Variants in ADGRG5 observed in about 807,000 individuals in gnomAD.
ADGRG5 encodes adhesion G protein-coupled receptor G5, also known as G protein-coupled receptor 114.
A neutral mutation model predicts 53.2 loss-of-function variants in ADGRG5; 37 were observed. The ratio of observed to expected loss-of-function variants is 0.70; its 90% CI spans 0.53 to 0.91. The LOEUF (loss-of-function observed/expected upper bound fraction) is 0.91. Among genes scored for constraint, ADGRG5 ranks in the 40% least tolerant of loss-of-function variants. ADGRG5 has a pLI of 0.00. For synonymous variants in ADGRG5, 277 were observed against 290.4 expected, an observed-to-expected ratio of 0.95 and a Z score of 0.47; for missense variants, 614 against 675.8, an observed-to-expected ratio of 0.91 and a Z score of 1.01.
chr16:57,529,146 T>G, the ADGRG5 span: 1 of 1,184,966 alleles, frequency 8.4e-7, no homozygotes, highest in Non-Finnish European at 1.0e-6. The surrounding 1 kb of genome is among the most constrained non-coding windows in gnomAD (Gnocchi z 4.1). Context: ...CTGCGGGGAC[T>G]CGGCCAGCCG....
intron 1 of ADGRG5, among the ~76,000 whole-genome samples, chr16:57,560,931 C>T (rs1453416516): frequency 6.6e-6 from 1 of 152,134 alleles, no homozygotes; most frequent in Non-Finnish European, 1.5e-5. Context: ...TGCAGGCCAC[C>T]ATACCCAGCT....
chr16:57,544,771 G>GT (rs1328616959), intron 1 of ADGRG5, among the ~76,000 whole-genome samples: 2 of 151,924 alleles, frequency 1.3e-5, no homozygotes, highest in Non-Finnish European at 2.9e-5. Flanking sequence ...AAACCTTTCT[G>GT]TTTTTTTGTT....
At chr16:57,572,085 G>T (rs1186288716) in intron 10 of ADGRG5, among the ~76,000 whole-genome samples, 1 of 151,126 alleles carries the variant, frequency 6.6e-6, no homozygotes, top group African/African-American at 2.4e-5. Flanking sequence ...TCTCCTCTCA[G>T]GAAACAATTA....
rs2033142099 is a variant in ADGRG5 at position 57,566,689 on chromosome 16, C to T, written c.637C>T (p.Gln213Ter). Residue 213 changes from glutamine to a stop codon, truncating the protein, a stop_gained, in exon 7 of 12, where the codon CAG (glutamine) becomes TAG (stop). Coordinates refer to ENST00000349457, the MANE Select transcript of ADGRG5 (RefSeq NM_001304376.3). LOFTEE classifies it high-confidence loss of function. ...GAGCCCTGAGGGCTGTCGTACAGAG[C>T]AGCCCTCCCACTCTCAGGTGCTCTG... The part of the protein sequence containing the change: ...GWSPEGCRTE[Q>*]PSHSQVLCRC... 1.3e-6 allele frequency: 2 copies of T among 1,591,250 alleles called. No individual in the cohort carries two copies. Among genetic ancestry groups the T allele is most frequent in the Non-Finnish European group, 1.7e-6 (2 of 1,170,148 alleles).
At chr16:57,548,719 CTTTTTT>C (rs56928422) in intron 1 of ADGRG5, among the ~76,000 whole-genome samples, 1 of 108,040 alleles carries the variant, frequency 9.3e-6, no homozygotes, top group Non-Finnish European at 1.9e-5. Flanking sequence ...TTGAGATTGG[CTTTTTT>C]TTTTTTTTTT....
intron 8 of ADGRG5, 57 bp from the exon 9 acceptor site, chr16:57,567,799 G>A (rs1596793180): frequency 6.4e-7 from 1 of 1,551,312 alleles, no homozygotes; most frequent in East Asian, 2.3e-5. Flanking sequence ...GCACCCAGTG[G>A]GTAGTGCTGC....
chr16:57,557,363 C>T (rs1295947747), intron 1 of ADGRG5, among the ~76,000 whole-genome samples: 1 of 152,134 alleles, frequency 6.6e-6, no homozygotes, highest in Non-Finnish European at 1.5e-5. Flanking sequence ...TGTACAATGG[C>T]TCTTTTCTCT....
chr16:57,554,446 A>G (rs757615109), intron 1 of ADGRG5, among the ~76,000 whole-genome samples: 5 of 150,308 alleles, frequency 3.3e-5, no homozygotes, highest in Non-Finnish European at 5.9e-5. Context: ...GCGCAATCTC[A>G]GCTCACTGCA....
At chr16:57,544,459 A>C (rs2032567964) in intron 1 of ADGRG5, among the ~76,000 whole-genome samples, 1 of 152,154 alleles carries the variant, frequency 6.6e-6, no homozygotes, top group Admixed American at 6.5e-5. Context: ...TGGAAACCAC[A>C]GCTTCTATCT....
At chr16:57,570,038 T>C (rs1373574266) in intron 9 of ADGRG5, among the ~76,000 whole-genome samples, 34 of 130,444 alleles carry the variant, frequency 2.6e-4, no homozygotes, top group Non-Finnish European at 6.5e-5. Context: ...ATCTCCACCA[T>C]CATCACTTCC....
chr16:57,570,832 GC>G (rs2033333548), intron 10 of ADGRG5, among the ~76,000 whole-genome samples: 1 of 152,144 alleles, frequency 6.6e-6, no homozygotes, highest in Admixed American at 6.5e-5. Flanking sequence ...GCCCTCCAGT[GC>G]CCAGGCCCTG....
chr16:57,535,640 C>T, the ADGRG5 span, among the ~76,000 whole-genome samples: 9 of 149,756 alleles, frequency 6.0e-5, no homozygotes, highest in Non-Finnish European at 1.0e-4. Flanking sequence ...CCGACCCCAG[C>T]CCCACCCCTC....
chr16:57,550,144 T>C (rs1483200846), intron 1 of ADGRG5, among the ~76,000 whole-genome samples: 1 of 152,120 alleles, frequency 6.6e-6, no homozygotes, highest in Non-Finnish European at 1.5e-5. Context: ...ACCTGGCTAA[T>C]TGTTGTATTT....
At chr16:57,538,335 C>G (rs751223193), upstream of ADGRG5, among the ~76,000 whole-genome samples, 1 of 152,082 alleles carries the variant, frequency 6.6e-6, no homozygotes, top group South Asian at 2.1e-4. Context: ...CTGGGCACGG[C>G]GGCTCACACT....
intron 3 of ADGRG5, 134 bp from the exon 4 acceptor site, chr16:57,562,957 T>G (rs2033038411): frequency 1.3e-6 from 1 of 755,822 alleles, no homozygotes; most frequent in East Asian, 2.6e-5. Flanking sequence ...GGACACTGTG[T>G]GTGCAGTGGT....
intron 11 of ADGRG5, 108 bp downstream of exon 11, chr16:57,575,200 C>A: frequency 1.6e-6 from 2 of 1,277,920 alleles, no homozygotes; most frequent in Non-Finnish European, 2.2e-6. Flanking sequence ...GGGGGACTAA[C>A]ATCCAGCCCA....
intron 1 of ADGRG5, among the ~76,000 whole-genome samples, chr16:57,554,918 C>CCCTTG (rs2032847774): frequency 6.6e-6 from 1 of 151,764 alleles, no homozygotes; most frequent in Admixed American, 6.6e-5. Flanking sequence ...GATTTTGTCT[C>CCCTTG]TGACTCATGG....
Position 57,552,767 on chromosome 16 carries a change from G to T in ADGRG5, c.-38-9289G>T, listed in dbSNP as rs1333394570. Among the ~76,000 whole-genome samples, 5 of 152,186 alleles carry T rather than the reference G, an allele frequency of 3.3e-5. No homozygotes were observed. In the East Asian group the frequency reaches 9.6e-4, roughly 29 times the overall value. On this transcript the variant is annotated intron_variant, in intron 1 of 11. Transcript: ENST00000349457. Reference sequence around the variant, plus strand: ...CTTTGTGAACTGTTCGGTGCAGGATGCCTCGCTTTTGGCTTATCTGGGTTT... The same window carrying T: ...CTTTGTGAACTGTTCGGTGCAGGATTCCTCGCTTTTGGCTTATCTGGGTTT...
At chr16:57,552,959 A>G (rs1315790230) in intron 1 of ADGRG5, among the ~76,000 whole-genome samples, 9 of 152,152 alleles carry the variant, frequency 5.9e-5, no homozygotes. Context: ...AAGAAGAGGG[A>G]GGGAGACAGG....
Sources: gnomAD v4.1 joint callset for allele counts (sites outside exome capture counted in the v4.1 genomes callset) on GRCh38, gnomAD v4.1.1 for gene constraint, Gnocchi (gnomAD v3.1) non-coding constraint, MANE v1.5 for transcripts, NCBI Gene and HGNC (gene_info 2026-07-23, HGNC 2026-07-21) for gene names.